The following MARCHF1 variants were observed in gnomAD, a reference collection of about 807,000 sequenced individuals.
MARCHF1 encodes E3 ubiquitin-protein ligase MARCHF1.
A neutral mutation model predicts 54.2 loss-of-function variants in MARCHF1; 40 were observed. The observed-to-expected ratio is 0.74, with a 90% CI of 0.57 to 0.96. The LOEUF is 0.96. MARCHF1 is among the 40% of genes least tolerant of loss of function. The probability of loss-of-function intolerance (pLI) is 0.00; values close to 1 mark genes in which losing one functional copy is unlikely to be tolerated. For synonymous variants in MARCHF1, 236 were observed against 236.3 expected, an observed-to-expected ratio of 1.00 and a Z score of 0.01; for missense variants, 586 against 656.5, an observed-to-expected ratio of 0.89 and a Z score of 1.17.
intron 3 of MARCHF1, among the ~76,000 whole-genome samples, chr4:163,924,832 T>C (rs1009497462): frequency 6.6e-6 from 1 of 151,820 alleles, no homozygotes; most frequent in Non-Finnish European, 1.5e-5. Context: ...TTATAATTAA[T>C]AATTATAATA....
At chr4:163,990,078 G>C (rs759756745) in intron 2 of MARCHF1, among the ~76,000 whole-genome samples, 6 of 152,168 alleles carry the variant, frequency 3.9e-5, no homozygotes, top group African/African-American at 1.2e-4. Context: ...AAAAAGATCT[G>C]TACTGCTGTT....
intron 4 of MARCHF1, among the ~76,000 whole-genome samples, chr4:163,740,238 A>G (rs1205343604): frequency 6.6e-6 from 1 of 152,176 alleles, no homozygotes; most frequent in East Asian, 1.9e-4. Flanking sequence ...GACCTCACTC[A>G]GTGTAGGACA....
intron 1 of MARCHF1, among the ~76,000 whole-genome samples, chr4:164,309,027 G>A (rs189353943): frequency 6.6e-6 from 1 of 151,918 alleles, no homozygotes; most frequent in African/African-American, 2.4e-5. Context: ...TTTTGCATCG[G>A]TAAAAATAGA....
chr4:163,789,282 A>G (rs1390155681), intron 4 of MARCHF1, among the ~76,000 whole-genome samples: 1 of 152,168 alleles, frequency 6.6e-6, no homozygotes, highest in East Asian at 1.9e-4. Context: ...AATATTTAAA[A>G]TAACTGGAAA....
At chr4:164,218,380 T>C (rs888942576) in intron 1 of MARCHF1, among the ~76,000 whole-genome samples, 2 of 152,088 alleles carry the variant, frequency 1.3e-5, no homozygotes, top group African/African-American at 4.8e-5. Context: ...ATTACATTCA[T>C]AGTGTTGCAT....
In MARCHF1 at chr4:164,286,363, C is replaced by G. The variant is rs1462252176; in HGVS notation, c.-323+97507G>C. ...ATCATATTTTTAAATCAATTCTCAA[C>G]ATTTTTAAAAATAACTATAAATCTA... On this transcript the variant is annotated intron_variant, in intron 1 of 9. Transcript: ENST00000514618. 2.0e-5 allele frequency among the ~76,000 whole-genome samples: 3 copies of G among 152,208 alleles called. No homozygotes were observed. The East Asian group carries it at 5.8e-4, about 29-fold the overall frequency.
intron 1 of MARCHF1, among the ~76,000 whole-genome samples, chr4:164,227,669 A>C (rs563413268): frequency 6.6e-6 from 1 of 152,260 alleles, no homozygotes; most frequent in East Asian, 1.9e-4. Context: ...CACTCTCGCA[A>C]TCTCACATAT....
intron 1 of MARCHF1, among the ~76,000 whole-genome samples, chr4:164,351,189 GC>G (rs1292570845): frequency 6.6e-6 from 1 of 151,418 alleles, no homozygotes; most frequent in Non-Finnish European, 1.5e-5. Context: ...TGGGGTAGGG[GC>G]GCCCGCCATT....
chr4:164,259,010 T>A (rs1733372775), intron 1 of MARCHF1, among the ~76,000 whole-genome samples: 1 of 152,180 alleles, frequency 6.6e-6, no homozygotes, highest in African/African-American at 2.4e-5. Context: ...TTAAAAAACA[T>A]ATAAAAACTT....
chr4:163,684,453 T>C (rs1331638480), intron 5 of MARCHF1, among the ~76,000 whole-genome samples: 1 of 152,238 alleles, frequency 6.6e-6, no homozygotes, highest in Non-Finnish European at 1.5e-5. Flanking sequence ...TTTGGCTACA[T>C]GTCACACCAA....
chr4:164,373,352 C>CTTTTTTTTTTTT (rs5863683), intron 1 of MARCHF1, among the ~76,000 whole-genome samples: 2 of 91,616 alleles, frequency 2.2e-5, no homozygotes, highest in African/African-American at 4.2e-5. Context: ...TGAAAAACTA[C>CTTTTTTTTTTTT]TTTTTTTTTT....
intron 1 of MARCHF1, among the ~76,000 whole-genome samples, chr4:164,354,721 T>C (rs1433940003): frequency 6.9e-6 from 1 of 144,770 alleles, no homozygotes; most frequent in African/African-American, 2.6e-5. Context: ...GGATGCCCTC[T>C]CTCACCACTC....
intron 4 of MARCHF1, among the ~76,000 whole-genome samples, chr4:163,730,290 T>C (rs189150534): frequency 6.6e-6 from 1 of 152,252 alleles, no homozygotes; most frequent in Admixed American, 6.5e-5. Context: ...TGTTTGTACA[T>C]TGTTTTCTTG....
Position 164,354,420 on chromosome 4 carries a change from C to T in MARCHF1, c.-323+29450G>A, listed in dbSNP as rs1308837391. ...CATCAAAAAGCTTATCCACCATGAT[C>T]AAGTGGGCTTCATCCCTGGGATGCA... On this transcript the variant is annotated intron_variant, in intron 1 of 9. Coordinates refer to ENST00000514618, the MANE Select transcript of MARCHF1 (RefSeq NM_001394959.1). Among the ~76,000 whole-genome samples, 11 of 135,318 alleles carry T rather than the reference C, an allele frequency of 8.1e-5. 1 individual carries two copies. The allele number at this position is 135,318 out of a possible 152,430, so 88.8% of individuals were successfully genotyped here. A position where few individuals can be genotyped will look rare whatever the true frequency, so the allele number is the denominator to read the frequency against.
Position 163,805,731 on chromosome 4 carries a change from AT to A in MARCHF1, c.111+48289del, listed in dbSNP as rs565431445. ...TCTTTAAAAATGCAGACCTTGGTGT[AT>A]TCCATGCCACAACATTAGTTGCTCT... On this transcript the variant is annotated intron_variant, in intron 4 of 9. Coordinates refer to ENST00000514618, the MANE Select transcript of MARCHF1 (RefSeq NM_001394959.1). Among the ~76,000 whole-genome samples the A allele has an allele frequency of 2.0e-4, 30 of 152,308 alleles. No homozygotes were observed. In the South Asian group the frequency reaches 6.2e-3, roughly 32 times the overall value.
At chr4:163,745,926 C>T (rs1177655976) in intron 4 of MARCHF1, among the ~76,000 whole-genome samples, 1 of 152,168 alleles carries the variant, frequency 6.6e-6, no homozygotes, top group Admixed American at 6.5e-5. Context: ...CCATATTCCT[C>T]TTACTGCCAC....
At chr4:163,752,213 T>C (rs1157806665) in intron 4 of MARCHF1, among the ~76,000 whole-genome samples, 2 of 152,144 alleles carry the variant, frequency 1.3e-5, no homozygotes, top group South Asian at 2.1e-4. Context: ...CTAAATGCAA[T>C]AGAAAACAAG....
At chr4:164,248,277 T>C (rs1023713968) in intron 1 of MARCHF1, among the ~76,000 whole-genome samples, 1 of 152,042 alleles carries the variant, frequency 6.6e-6, no homozygotes, top group Admixed American at 6.6e-5. Flanking sequence ...TTTGTGACTT[T>C]GGGTAAGTCT....
chr4:164,088,594 C>A (rs1366820322), intron 2 of MARCHF1, among the ~76,000 whole-genome samples: 1 of 151,942 alleles, frequency 6.6e-6, no homozygotes, highest in African/African-American at 2.4e-5. Flanking sequence ...AAACTTTGGG[C>A]TGGCATGGTG....
Sources: allele counts gnomAD v4.1 joint callset (sites outside exome capture counted in the v4.1 genomes callset), GRCh38; gene constraint gnomAD v4.1.1; transcripts MANE v1.5; gene names NCBI Gene and HGNC (gene_info 2026-07-23, HGNC 2026-07-21).